Variants in RGL1 observed in about 807,000 individuals in gnomAD.
The protein encoded by RGL1 is ral guanine nucleotide dissociation stimulator like 1, also known as ral guanine nucleotide dissociation stimulator-like 1.
RGL1 carries 24 observed loss-of-function variants against 95.2 expected under a neutral mutation model. That is an observed-to-expected ratio of 0.25 (90% CI 0.18 to 0.35). The LOEUF (loss-of-function observed/expected upper bound fraction) is 0.35, where lower values mean the gene tolerates loss of function less well. Ranked by LOEUF, RGL1 falls within the 10% of genes least tolerant of loss-of-function variation. The pLI is 1.00. For missense variants in RGL1, 715 were observed against 936.3 expected (o/e 0.76, Z 3.08); for synonymous variants, 329 against 344.9 (o/e 0.95, Z 0.51).
At chr1:183,916,271 C>T (rs1360900116) in intron 15 of RGL1, among the ~76,000 whole-genome samples, 176 bp from the exon 16 acceptor site, 2 of 152,174 alleles carry the variant, frequency 1.3e-5, no homozygotes, top group Non-Finnish European at 2.9e-5. Context: ...AGGCATCTAC[C>T]ACTGATGGGG....
intron 3 of RGL1, 44 bp downstream of exon 3, chr1:183,847,818 G>A: frequency 1.3e-6 from 2 of 1,495,454 alleles, no homozygotes; most frequent in East Asian, 2.3e-5. Context: ...AATGTAGGCT[G>A]ATTATGGAGT....
chr1:183,778,984 C>T (rs752380859), intron 2 of RGL1, among the ~76,000 whole-genome samples: 2 of 152,204 alleles, frequency 1.3e-5, no homozygotes, highest in Non-Finnish European at 2.9e-5. Context: ...ACTGGTGCTC[C>T]GCTTAGACTT....
intron 1 of RGL1, among the ~76,000 whole-genome samples, chr1:183,684,783 G>C (rs987118197): frequency 1.3e-5 from 2 of 152,202 alleles, no homozygotes; most frequent in Non-Finnish European, 2.9e-5. Flanking sequence ...TAGTGTCTGG[G>C]CCAGAGTGCA....
intron 2 of RGL1, among the ~76,000 whole-genome samples, chr1:183,809,761 C>T (rs981895012): frequency 4.6e-5 from 7 of 152,122 alleles, no homozygotes; most frequent in Non-Finnish European, 1.0e-4. Context: ...GCCTGGGCAA[C>T]ATAGCAAGAC....
intron 1 of RGL1, among the ~76,000 whole-genome samples, chr1:183,643,153 G>T (rs1478287531): frequency 6.6e-6 from 1 of 152,054 alleles, no homozygotes; most frequent in East Asian, 1.9e-4. Context: ...CCACATTGTG[G>T]GTATCCATTC....
intron 1 of RGL1, among the ~76,000 whole-genome samples, chr1:183,662,124 C>G (rs28874952): frequency 0.011 from 1,570 of 139,346 alleles, 32 homozygotes; most frequent in African/African-American, 0.039. Flanking sequence ...GGCAAAAACT[C>G]GAAGCATTCC....
chr1:183,672,282 A>T (rs1008976767), intron 1 of RGL1, among the ~76,000 whole-genome samples: 3 of 152,170 alleles, frequency 2.0e-5, no homozygotes, highest in Non-Finnish European at 4.4e-5. Context: ...GTATGGATTT[A>T]TCCTGCTTAA....
chr1:183,750,379 G>A (rs1657915747), intron 2 of RGL1, among the ~76,000 whole-genome samples: 1 of 152,160 alleles, frequency 6.6e-6, no homozygotes, highest in Non-Finnish European at 1.5e-5. Context: ...TATGCTTCAT[G>A]AAATTCTTGT....
chr1:183,829,367 G>A (rs562043974), intron 2 of RGL1, among the ~76,000 whole-genome samples: 18 of 151,862 alleles, frequency 1.2e-4, no homozygotes, highest in African/African-American at 3.6e-4. Flanking sequence ...GCTTGAGCCT[G>A]AGAGGTGGAG....
At chr1:183,836,314 G>C (rs371542020) in intron 2 of RGL1, among the ~76,000 whole-genome samples, 1 of 151,872 alleles carries the variant, frequency 6.6e-6, no homozygotes, top group African/African-American at 2.4e-5. Flanking sequence ...GCAATGGCGC[G>C]ATCTCAGGTC....
intron 2 of RGL1, among the ~76,000 whole-genome samples, chr1:183,832,638 G>T (rs1663338555): frequency 6.6e-6 from 1 of 151,672 alleles, no homozygotes; most frequent in Non-Finnish European, 1.5e-5. Context: ...AGATAGTGTG[G>T]TTAAGTCTGA....
chr1:183,640,321 GA>G (rs1411741507), intron 1 of RGL1, among the ~76,000 whole-genome samples: 1 of 152,106 alleles, frequency 6.6e-6, no homozygotes, highest in Non-Finnish European at 1.5e-5. Context: ...TCTTATTTTA[GA>G]AAGTCCTTGA....
At chr1:183,813,509 C>A (rs980194974) in intron 2 of RGL1, among the ~76,000 whole-genome samples, 1 of 152,160 alleles carries the variant, frequency 6.6e-6, no homozygotes, top group African/African-American at 2.4e-5. Flanking sequence ...GTTTCTTTTT[C>A]TTTCTTCCTT....
At chr1:183,698,865 C>A (rs898702644) in intron 1 of RGL1, among the ~76,000 whole-genome samples, 11 of 152,138 alleles carry the variant, frequency 7.2e-5, no homozygotes, top group Non-Finnish European at 1.2e-4. Flanking sequence ...GAATGAGTTA[C>A]TTCATGGTAT....
chr1:183,799,029 A>C lies in RGL1; in HGVS notation c.133-7346A>C, dbSNP rs200915267. On this transcript the variant is annotated intron_variant, in intron 2 of 18. Coordinates refer to the RGL1 transcript ENST00000304685. ...GCCATTCTCCTGCCTCAGCCTCCCA[A>C]GTAGCTGGAATTACAGGCGCCCGCC... is the stretch of plus-strand genomic sequence containing the variant. 5.4e-4 allele frequency among the ~76,000 whole-genome samples: 82 copies of C among 151,764 alleles called. No individual in the cohort carries two copies. In the East Asian group the frequency reaches 0.016, roughly 29 times the overall value.
At chr1:183,925,172 A>G (rs892817180) in intron 17 of RGL1, among the ~76,000 whole-genome samples, 1 of 152,208 alleles carries the variant, frequency 6.6e-6, no homozygotes. Context: ...CTCCTTCTGC[A>G]CTTGGAGAAG....
rs544999598 is a variant in RGL1 at position 183,732,010 on chromosome 1, G to A, written c.-32-10116G>A. Among the ~76,000 whole-genome samples, 129 of 152,262 alleles carry A rather than the reference G, an allele frequency of 8.5e-4. 1 individual carries two copies. The highest frequency in any genetic ancestry group is 1.7e-3 in the Non-Finnish European group (116 of 68,020). ...CGCACAATAATTAGGCTATAGCTAC[G>A]TAAAACTTTAGGGACTTCTTCCTTC... On this transcript the variant is annotated intron_variant, in intron 1 of 18. Coordinates refer to the RGL1 transcript ENST00000304685.
At chr1:183,911,647 C>A (rs1220748355) in intron 14 of RGL1, among the ~76,000 whole-genome samples, 1 of 152,184 alleles carries the variant, frequency 6.6e-6, no homozygotes, top group Non-Finnish European at 1.5e-5. Flanking sequence ...ATAGAGGAAG[C>A]ATTTAGGATA....
chr1:183,705,766 G>A (rs1022749912), intron 1 of RGL1, among the ~76,000 whole-genome samples: 5 of 152,180 alleles, frequency 3.3e-5, no homozygotes, highest in Non-Finnish European at 7.3e-5. Context: ...TGAGCCTGAG[G>A]TCCTGGACTA....
Sources: gnomAD v4.1 joint callset for allele counts (sites outside exome capture counted in the v4.1 genomes callset) on GRCh38, gnomAD v4.1.1 for gene constraint, MANE v1.5 for transcripts, NCBI Gene and HGNC (gene_info 2026-07-23, HGNC 2026-07-21) for gene names.